The following SNX25 variants were observed in gnomAD, a reference collection of about 807,000 sequenced individuals.
SNX25 encodes the protein sorting nexin-25.
Under a neutral mutation model 113.7 loss-of-function variants are expected in SNX25, and 62 were observed. The observed-to-expected ratio is 0.55, with a 90% CI of 0.44 to 0.67. SNX25 has a LOEUF of 0.67. Among genes scored for constraint, SNX25 ranks in the 30% least tolerant of loss-of-function variants. The pLI is 0.00. For synonymous variants in SNX25, 421 were observed against 436.2 expected, an observed-to-expected ratio of 0.97 and a Z score of 0.43; for missense variants, 1,014 against 1,161.0, an observed-to-expected ratio of 0.87 and a Z score of 1.84.
rs891386601 is a variant in SNX25, at chr4:185,210,418, C to T, written c.429+163C>T. Among the ~76,000 whole-genome samples the T allele has an allele frequency of 2.2e-5, 3 of 137,316 alleles. No homozygotes were observed. The highest frequency in any genetic ancestry group is 7.4e-5 in the African/African-American group (3 of 40,270). The allele number at this position is 137,316 out of a possible 152,430, so 90.1% of individuals were successfully genotyped here. ...GGCCCGGCCGTGGACGCGAGCGTTC[C>T]CCGGCGCCCGCGCGCGGCGGGCTCC... is the stretch of plus-strand genomic sequence containing the variant. On this transcript the variant is annotated intron_variant, in intron 1 of 18. Transcript: ENST00000652585. The surrounding 1 kb of genome is among the most constrained non-coding windows in gnomAD (Gnocchi z 4.4).
At chr4:185,225,352 C>A (rs1255705898) in intron 1 of SNX25, among the ~76,000 whole-genome samples, 1 of 152,176 alleles carries the variant, frequency 6.6e-6, no homozygotes, top group African/African-American at 2.4e-5. Context: ...TCTCGATCTC[C>A]TGACCTCGTG....
chr4:185,321,263 T>A (rs1328832443), intron 8 of SNX25, among the ~76,000 whole-genome samples: 4 of 133,102 alleles, frequency 3.0e-5, no homozygotes, highest in African/African-American at 1.3e-4. Context: ...TTCATTTCAA[T>A]TTTTTTTTTT....
In SNX25 at chr4:185,257,176, GAAA is replaced by G. The variant is rs11332633; in HGVS notation, c.515-1655_515-1653del. On this transcript the variant is annotated intron_variant, in intron 2 of 18. Transcript: ENST00000652585. ...CCAAATCAAACAGTGTTTGAAAAGTGAAAAAAAAAAAAAAAAAAACCTCTGAGA... is the reference window on the plus strand; with the variant it reads ...CCAAATCAAACAGTGTTTGAAAAGTGAAAAAAAAAAAAAAAACCTCTGAGA... Among the ~76,000 whole-genome samples, 614 of 106,374 alleles carry G rather than the reference GAAA, an allele frequency of 5.8e-3. 1 individual carries two copies. The highest frequency in any genetic ancestry group is 0.016 in the African/African-American group (434 of 27,818). The allele number at this position is 106,374 out of a possible 152,430, so 69.8% of individuals were successfully genotyped here.
At chr4:185,296,285 A>C (rs1328631482) in intron 6 of SNX25, among the ~76,000 whole-genome samples, 1 of 152,134 alleles carries the variant, frequency 6.6e-6, no homozygotes, top group Non-Finnish European at 1.5e-5. Flanking sequence ...GCAGCAGCTA[A>C]CCGTATTGCC....
At chr4:185,205,594 T>C (rs1204121375), upstream of SNX25, among the ~76,000 whole-genome samples, 1 of 152,154 alleles carries the variant, frequency 6.6e-6, no homozygotes, top group Non-Finnish European at 1.5e-5. Flanking sequence ...TTTGAGAGGC[T>C]GAGGTGGGCG....
chr4:185,233,504 C>T (rs558412329), intron 1 of SNX25, among the ~76,000 whole-genome samples: 19 of 152,226 alleles, frequency 1.2e-4, no homozygotes, highest in Admixed American at 3.3e-4. Context: ...AAAATAGTTA[C>T]AGAATTTTTT....
In SNX25 at chr4:185,334,416, A is replaced by T. The variant is rs1440885582; in HGVS notation, c.1914+1657A>T. The stretch of plus-strand genomic sequence containing the variant: ...AAATGGCCAGGTTTCCTGGATTGTC[A>T]TCAGAAATAGTTCATTCTCCCCCTT... On this transcript the variant is annotated intron_variant, in intron 10 of 18. Transcript: ENST00000652585. This position sits in a 1 kb window ranked among gnomAD's most constrained non-coding sequence, Gnocchi z 4.2. Among the ~76,000 whole-genome samples, 2 of 152,194 alleles carry T rather than the reference A, an allele frequency of 1.3e-5. No homozygotes were observed. Among genetic ancestry groups the T allele is most frequent in the Non-Finnish European group, 2.9e-5 (2 of 68,024 alleles).
chr4:185,235,733 CAAAATA>C (rs1560916636), intron 1 of SNX25, among the ~76,000 whole-genome samples: 6 of 152,116 alleles, frequency 3.9e-5, no homozygotes. Context: ...TGTCTACAAA[CAAAATA>C]AAAATAAAAA....
chr4:185,248,257 C>A (rs958141973), intron 2 of SNX25, among the ~76,000 whole-genome samples: 2 of 152,134 alleles, frequency 1.3e-5, no homozygotes, highest in Non-Finnish European at 2.9e-5. Flanking sequence ...ATAAAACTTA[C>A]TGGATTTAAA....
intron 1 of SNX25, among the ~76,000 whole-genome samples, chr4:185,242,828 A>G (rs1355798317): frequency 6.6e-6 from 1 of 152,208 alleles, no homozygotes; most frequent in African/African-American, 2.4e-5. Context: ...CCAACATTAT[A>G]ACAAAAGACT....
chr4:185,276,248 TAACTC>T (rs1749655768), intron 5 of SNX25, among the ~76,000 whole-genome samples: 2 of 152,182 alleles, frequency 1.3e-5, no homozygotes, highest in East Asian at 1.9e-4. Context: ...ATAAAGTACT[TAACTC>T]AAGATATGGC....
chr4:185,319,186 G>T (rs2095099731), intron 7 of SNX25, among the ~76,000 whole-genome samples: 5 of 130,368 alleles, frequency 3.8e-5, no homozygotes, highest in Admixed American at 7.8e-5. Context: ...TTTTCTTTGA[G>T]AAAGTCCTTT....
At chr4:185,233,567 A>G (rs1742171980) in intron 1 of SNX25, among the ~76,000 whole-genome samples, 1 of 152,164 alleles carries the variant, frequency 6.6e-6, no homozygotes, top group South Asian at 2.1e-4. Context: ...GTTTTCAGTT[A>G]CCTTTTTCTA....
At chr4:185,239,722 TTGTG>T (rs889383327) in intron 1 of SNX25, among the ~76,000 whole-genome samples, 28 of 151,320 alleles carry the variant, frequency 1.9e-4, no homozygotes, top group Non-Finnish European at 3.8e-4. Flanking sequence ...CGGTTTTTTT[TTGTG>T]TGTGTTTTTC....
chr4:185,212,996 A>C (rs180857098), intron 1 of SNX25, among the ~76,000 whole-genome samples: 1 of 152,330 alleles, frequency 6.6e-6, no homozygotes, highest in Non-Finnish European at 1.5e-5. Context: ...GTAGAGGAAA[A>C]AAATGCATAC....
downstream of SNX25, among the ~76,000 whole-genome samples, chr4:185,368,294 G>A (rs2095398755): frequency 6.6e-6 from 1 of 152,198 alleles, no homozygotes; most frequent in Non-Finnish European, 1.5e-5. Flanking sequence ...TAACACTCTA[G>A]GAAGTGGGAG....
intron 6 of SNX25, among the ~76,000 whole-genome samples, chr4:185,308,050 C>T (rs1249840598): frequency 3.3e-5 from 5 of 152,232 alleles, no homozygotes; most frequent in Admixed American, 6.5e-5. Context: ...GGGGCCACCA[C>T]GCCGGGCCCA....
At chr4:185,357,574 C>A in intron 15 of SNX25, 97 bp from the exon 16 acceptor site, 3 of 1,036,900 alleles carry the variant, frequency 2.9e-6, no homozygotes, top group Non-Finnish European at 1.5e-6. Flanking sequence ...GGACTGAAAT[C>A]ATCTTAAGTG....
chr4:185,240,975 A>T (rs1176552598), intron 1 of SNX25, among the ~76,000 whole-genome samples: 5 of 141,538 alleles, frequency 3.5e-5, no homozygotes, highest in African/African-American at 1.3e-4. Context: ...CCGGGCAGAG[A>T]CGCTCCTCAC....
Sources: allele counts gnomAD v4.1 joint callset (sites outside exome capture counted in the v4.1 genomes callset), GRCh38; gene constraint gnomAD v4.1.1; non-coding constraint Gnocchi (gnomAD v3.1); transcripts MANE v1.5; gene names NCBI Gene and HGNC (gene_info 2026-07-23, HGNC 2026-07-21).